Variants in WSB1 observed in about 807,000 individuals in gnomAD.
WSB1 encodes the protein WD repeat and SOCS box containing 1.
A neutral mutation model predicts 50.2 loss-of-function variants in WSB1; 23 were observed. The ratio of observed to expected loss-of-function variants is 0.46; its 90% confidence interval spans 0.33 to 0.65. The LOEUF (loss-of-function observed/expected upper bound fraction) is 0.65, where lower values mean the gene tolerates loss of function less well. WSB1 is among the 30% of genes least tolerant of loss of function. The pLI is 0.02. For missense variants in WSB1, 492 were observed against 522.3 expected (o/e 0.94, Z 0.56); for synonymous variants, 179 against 172.0 (o/e 1.04, Z -0.32).
At position 27,304,535 on chromosome 17, in the gene WSB1, C is replaced by CAAAAAAAAAAAAAAAA. The variant is rs10660665; in HGVS notation, c.479-231_479-216dup. 7.8e-4 allele frequency among the ~76,000 whole-genome samples: 30 copies of CAAAAAAAAAAAAAAAA among 38,694 alleles called. 3 individuals carry two copies. Among genetic ancestry groups the CAAAAAAAAAAAAAAAA allele is most frequent in the African/African-American group, 2.6e-3 (23 of 8,968 alleles). 25.4% of individuals were successfully genotyped at this position (38,694 alleles called of 152,430 possible). On this transcript the variant is annotated intron_variant, in intron 3 of 8. Transcript: ENST00000262394. Reference sequence around the variant, plus strand: ...GCAACATAGTGAGACTCCATCTCTCCAAAAAAAAAAAAAAAAAAAAAAAAA... The same window carrying CAAAAAAAAAAAAAAAA: ...GCAACATAGTGAGACTCCATCTCTCCAAAAAAAAAAAAAAAAAAAAAAAAAAAAAAAAAAAAAAAAA...
intron 1 of WSB1, among the ~76,000 whole-genome samples, chr17:27,298,089 C>A (rs1433704992): frequency 7.0e-6 from 1 of 142,944 alleles, no homozygotes; most frequent in African/African-American, 2.6e-5. Context: ...CATGCCACTG[C>A]ACTCCAGCCT....
rs1567692986 is a variant in WSB1 at position 27,310,306 on chromosome 17, T to TA, written c.998+135dup. ...GCCCCTGGGAGATTTTGTTGTGTCTTAAAGAATATCGGCCTGAACAATTAT... is the reference window on the plus strand; with the variant it reads ...GCCCCTGGGAGATTTTGTTGTGTCTTAAAAGAATATCGGCCTGAACAATTAT... On this transcript the variant is annotated intron_variant, in intron 7 of 8. Transcript: ENST00000262394. 1.1e-5 allele frequency: 8 copies of TA among 727,936 alleles called. No homozygotes were observed. The East Asian group carries it at 2.2e-4, about 20-fold the overall frequency. The allele number at this position is 727,936 out of a possible 1,614,324, so 45.1% of individuals were successfully genotyped here. A position where few individuals can be genotyped will look rare whatever the true frequency, so the allele number is the denominator to read the frequency against.
At chr17:27,294,909 T>C (rs557244463) in intron 1 of WSB1, among the ~76,000 whole-genome samples, 2 of 152,298 alleles carry the variant, frequency 1.3e-5, no homozygotes, top group Non-Finnish European at 2.9e-5. Flanking sequence ...GCAAAAGCAA[T>C]ACAGTATTTT....
At chr17:27,297,199 T>C (rs1214644224) in intron 1 of WSB1, 1 of 152,192 alleles carries the variant, frequency 6.6e-6, no homozygotes, top group Admixed American at 6.5e-5. Context: ...TGAGTCTCGC[T>C]CCGTCGTCCA....
intron 4 of WSB1, among the ~76,000 whole-genome samples, chr17:27,305,136 C>G (rs1044269462): frequency 9.2e-5 from 14 of 152,140 alleles, no homozygotes; most frequent in African/African-American, 3.4e-4. Context: ...TGATATTATT[C>G]AGAAACTAAC....
intron 1 of WSB1, among the ~76,000 whole-genome samples, chr17:27,295,601 A>G (rs1043816450): frequency 2.3e-4 from 35 of 152,150 alleles, no homozygotes. Flanking sequence ...AAAAGAAAAA[A>G]AAAGATGCAA....
At chr17:27,312,058 G>A in intron 8 of WSB1, 152 bp from the exon 9 acceptor site, 1 of 910,568 alleles carries the variant, frequency 1.1e-6, no homozygotes, top group Non-Finnish European at 1.6e-6. Flanking sequence ...CCTTGTCATG[G>A]AATACATCAT....
chr17:27,312,553 T>C lies in WSB1; in HGVS notation c.*184T>C. 1.4e-6 allele frequency: 1 copy of C among 736,162 alleles called. No individual in the cohort carries two copies. Among genetic ancestry groups the C allele is most frequent in the Non-Finnish European group, 2.1e-6 (1 of 487,252 alleles). 45.6% of individuals were successfully genotyped at this position (736,162 alleles called of 1,614,324 possible). A position where few individuals can be genotyped will look rare whatever the true frequency, so the allele number is the denominator to read the frequency against. The stretch of plus-strand genomic sequence containing the variant: ...TATTTATAGACAATAGAAGTATTTC[T>C]GAACATATCAAATATAAATTTTTTT... On this transcript the variant is annotated 3_prime_UTR_variant, in exon 9 of 9. Coordinates refer to ENST00000262394, the MANE Select transcript of WSB1 (RefSeq NM_015626.10).
At chr17:27,310,583 T>C (rs116709366) in intron 7 of WSB1, among the ~76,000 whole-genome samples, 209 of 152,358 alleles carry the variant, frequency 1.4e-3, no homozygotes, top group African/African-American at 4.7e-3. Context: ...ATGAATGATA[T>C]GTGCTGCTTG....
intron 2 of WSB1, chr17:27,302,498 GTA>G (rs10558761): frequency 0.46 from 69,955 of 150,686 alleles, 16,594 homozygotes; most frequent in African/African-American, 0.58. Flanking sequence ...TCTAACAAGT[GTA>G]TATATATATA....
rs2150834815 is a variant in WSB1 at position 27,303,508 on chromosome 17, A to G, written c.351A>G (p.Ser117=). ...TAGTCTGGAGTCTTGCTTTTGGGTC[A>G]TCAGTTCCAGAAAAACAGAGTCGCT... ...GDIVWSLAFG[S]SVPEKQSRCV... The change falls in exon 3 of 9, where the codon TCA becomes TCG. Residue 117 remains serine, a synonymous_variant. Transcript: ENST00000262394. 1 of 1,614,180 alleles carries G rather than the reference A, an allele frequency of 6.2e-7. No individual in the cohort carries two copies. Among genetic ancestry groups the G allele is most frequent in the Non-Finnish European group, 8.5e-7 (1 of 1,180,014 alleles).
intron 5 of WSB1, chr17:27,307,114 G>GT: frequency 4.0e-6 from 2 of 494,576 alleles, no homozygotes; most frequent in Non-Finnish European, 3.6e-6. Context: ...GGCATATCAG[G>GT]GTTTTTTTTT....
At chr17:27,312,085 G>A (rs1044063732) in intron 8 of WSB1, 125 bp from the exon 9 acceptor site, 68 of 1,242,300 alleles carry the variant, frequency 5.5e-5, no homozygotes, top group Middle Eastern at 2.5e-4. Context: ...GTTCTTCCTG[G>A]TTGGGTTTTA....
In WSB1 at chr17:27,311,447, TA is replaced by T. The variant is rs1567693772; in HGVS notation, c.999-56del. ...CTCAATGGCATTTCTTTCTAAATTT[TA>T]AAAAAGTTGCTTTTACCTTACATTT... is the stretch of plus-strand genomic sequence containing the variant. On this transcript the variant is annotated intron_variant, in intron 7 of 8. Coordinates refer to ENST00000262394, the MANE Select transcript of WSB1 (RefSeq NM_015626.10). 9 of 1,393,518 alleles carry T rather than the reference TA, an allele frequency of 6.5e-6. No individual in the cohort carries two copies. The African/African-American group carries it at 8.7e-5, about 14-fold the overall frequency. The allele number at this position is 1,393,518 out of a possible 1,614,324, so 86.3% of individuals were successfully genotyped here.
chr17:27,310,034 C>A, intron 6 of WSB1, 27 bp from the exon 7 acceptor site: 1 of 1,588,440 alleles, frequency 6.3e-7, no homozygotes, highest in South Asian at 1.1e-5. Flanking sequence ...TGACTGATAT[C>A]CACTGAAAAC....
intron 7 of WSB1, among the ~76,000 whole-genome samples, chr17:27,310,481 T>A (rs1406617267): frequency 6.6e-6 from 1 of 152,238 alleles, no homozygotes; most frequent in Non-Finnish European, 1.5e-5. Flanking sequence ...AGAAGGAAAT[T>A]TCTAAAGTGA....
At chr17:27,312,020 CTA>C (rs2017704548) in intron 8 of WSB1, among the ~76,000 whole-genome samples, 188 bp from the exon 9 acceptor site, 1 of 152,126 alleles carries the variant, frequency 6.6e-6, no homozygotes, top group Non-Finnish European at 1.5e-5. Flanking sequence ...CAGTAAAACT[CTA>C]ATAAGTGTTC....
chr17:27,307,868 A>G (rs1252071721), intron 5 of WSB1: 2 of 1,471,634 alleles, frequency 1.4e-6, no homozygotes, highest in African/African-American at 1.4e-5. Flanking sequence ...GACCTTTACC[A>G]TAGGATGAAG....
At position 27,312,247 on chromosome 17, in the gene WSB1, C is replaced by T. The variant is rs1471390401; in HGVS notation, c.1144C>T (p.Arg382Trp). The change falls in exon 9 of 9, where the codon CGG becomes TGG. Residue 382 changes from arginine to tryptophan, a missense_variant. Coordinates refer to ENST00000262394, the MANE Select transcript of WSB1 (RefSeq NM_015626.10). ...AAGTGTGTATTTTTGGGCCACTCCA[C>T]GGCAGGTCCCTAGCCTGCAACATTT... ...DGSVYFWATP[R>W]QVPSLQHLCR... The T allele has an allele frequency of 9.3e-6, 15 of 1,613,734 alleles. No individual in the cohort carries two copies. Among genetic ancestry groups the T allele is most frequent in the African/African-American group, 4.0e-5 (3 of 74,874 alleles).
Sources: gnomAD v4.1 joint callset for allele counts (sites outside exome capture counted in the v4.1 genomes callset) on GRCh38, gnomAD v4.1.1 for gene constraint, MANE v1.5 for transcripts, NCBI Gene and HGNC (gene_info 2026-07-23, HGNC 2026-07-21) for gene names.